The following MAGI3 variants were observed in gnomAD, a reference collection of about 807,000 sequenced individuals.
The protein encoded by MAGI3 is membrane associated guanylate kinase, WW and PDZ domain containing 3, also known as membrane-associated guanylate kinase, WW and PDZ domain-containing protein 3.
A neutral mutation model predicts 121.8 loss-of-function variants in MAGI3; 43 were observed. The ratio of observed to expected loss-of-function variants is 0.35; its 90% confidence interval spans 0.28 to 0.46. The LOEUF (loss-of-function observed/expected upper bound fraction) is 0.46, where lower values mean the gene tolerates loss of function less well. MAGI3 is among the 20% of genes least tolerant of loss of function. The pLI is 1.00. For synonymous variants in MAGI3, 553 were observed against 639.3 expected (o/e 0.86, Z 2.04); for missense variants, 1,547 against 1,797.3 (o/e 0.86, Z 2.52).
At chr1:113,523,184 C>T (rs374392118) in intron 1 of MAGI3, among the ~76,000 whole-genome samples, 53 of 152,282 alleles carry the variant, frequency 3.5e-4, no homozygotes, top group African/African-American at 1.2e-3. Flanking sequence ...TCCCCAGCCA[C>T]GTGGAACTGT....
At chr1:113,473,527 G>A (rs2101545016) in intron 1 of MAGI3, among the ~76,000 whole-genome samples, 1 of 147,776 alleles carries the variant, frequency 6.8e-6, no homozygotes, top group East Asian at 2.0e-4. Context: ...TTGGTTTTCT[G>A]TCCTTGTGAT....
intron 9 of MAGI3, among the ~76,000 whole-genome samples, chr1:113,631,104 G>C (rs1651602721): frequency 6.6e-6 from 1 of 152,020 alleles, no homozygotes; most frequent in South Asian, 2.1e-4. Context: ...TGTGACAGGG[G>C]AGCACTGAGT....
At chr1:113,642,987 G>C (rs1652632843) in intron 10 of MAGI3, among the ~76,000 whole-genome samples, 1 of 152,182 alleles carries the variant, frequency 6.6e-6, no homozygotes, top group African/African-American at 2.4e-5. Flanking sequence ...TTCTGCAGAG[G>C]CAATCATGAT....
intron 2 of MAGI3, among the ~76,000 whole-genome samples, chr1:113,560,436 A>C (rs988811990): frequency 1.3e-5 from 2 of 151,926 alleles, no homozygotes; most frequent in Non-Finnish European, 2.9e-5. Context: ...AAAACAAAAA[A>C]AGAAAAAAGG....
intron 1 of MAGI3, among the ~76,000 whole-genome samples, chr1:113,450,925 G>A (rs1654454929): frequency 6.6e-6 from 1 of 152,188 alleles, no homozygotes; most frequent in Non-Finnish European, 1.5e-5. Flanking sequence ...GTTCAGGACT[G>A]TCATAGCCAC....
At chr1:113,454,698 A>G (rs1396904005) in intron 1 of MAGI3, among the ~76,000 whole-genome samples, 2 of 151,376 alleles carry the variant, frequency 1.3e-5, no homozygotes, top group East Asian at 3.9e-4. Flanking sequence ...CCCTGTCTCT[A>G]TGTGTTCTCA....
intron 1 of MAGI3, among the ~76,000 whole-genome samples, chr1:113,416,376 T>TATTAATAATATATATTAATTATTAATTA (rs1652403396): frequency 1.7e-5 from 2 of 116,758 alleles, no homozygotes; most frequent in Non-Finnish European, 3.4e-5. Flanking sequence ...TATATTAATA[T>TATTAATAATATATATTAATTATTAATTA]ATTAATAATA....
At chr1:113,559,959 C>A (rs1660155001) in intron 2 of MAGI3, among the ~76,000 whole-genome samples, 2 of 152,120 alleles carry the variant, frequency 1.3e-5, no homozygotes, top group African/African-American at 4.8e-5. Flanking sequence ...CAATAGTAGG[C>A]AGATCATTGA....
chr1:113,557,997 AAAAC>A (rs1660070024), intron 2 of MAGI3, among the ~76,000 whole-genome samples: 1 of 152,366 alleles, frequency 6.6e-6, no homozygotes, highest in Admixed American at 6.5e-5. Context: ...TGTTAAAAGA[AAAAC>A]AAACAAATAA....
In MAGI3 at chr1:113,672,731, G is replaced by A. The variant is rs145947128; in HGVS notation, c.3035G>A (p.Arg1012Gln). 5.6e-6 allele frequency: 9 copies of A among 1,610,076 alleles called. No individual in the cohort carries two copies. The highest frequency in any genetic ancestry group is 1.6e-4 in the Middle Eastern group (1 of 6,066). The change falls in exon 18 of 21, where the codon CGG becomes CAG. Residue 1012 changes from arginine (R) to glutamine (Q), a missense_variant. By Grantham distance (43) the Arg-to-Gln change is conservative (BLOSUM62 1). Coordinates refer to ENST00000307546, the MANE Select transcript of MAGI3 (RefSeq NM_001142782.2). ...GCAGTAATTTCAGTTGTAGGCAGTCGGCACAATCAGGTAAACAAACATTTC... is the reference window on the plus strand; with the variant it reads ...GCAGTAATTTCAGTTGTAGGCAGTCAGCACAATCAGGTAAACAAACATTTC... ...DTAVISVVGS[R>Q]HNQNLGCYPV...
intron 9 of MAGI3, among the ~76,000 whole-genome samples, chr1:113,631,821 G>A (rs910915792): frequency 1.3e-5 from 2 of 152,092 alleles, no homozygotes; most frequent in Admixed American, 6.5e-5. Flanking sequence ...GTGTAAACTT[G>A]TCTTTTCTAT....
chr1:113,574,618 A>AT (rs1328100664), intron 2 of MAGI3, among the ~76,000 whole-genome samples: 2 of 151,944 alleles, frequency 1.3e-5, no homozygotes, highest in Non-Finnish European at 2.9e-5. Flanking sequence ...TGCCCTTAAC[A>AT]TTTTTTCCTT....
intron 1 of MAGI3, among the ~76,000 whole-genome samples, chr1:113,538,872 A>G (rs1325295764): frequency 6.6e-6 from 1 of 152,226 alleles, no homozygotes; most frequent in Non-Finnish European, 1.5e-5. Flanking sequence ...ACAGCTGACC[A>G]AAGAAAAGCC....
At chr1:113,650,852 G>A (rs574554933) in intron 13 of MAGI3, among the ~76,000 whole-genome samples, 162 bp from the exon 14 acceptor site, 1 of 152,232 alleles carries the variant, frequency 6.6e-6, no homozygotes, top group African/African-American at 2.4e-5. Flanking sequence ...GTGCCATTTT[G>A]GAGAATGGGC....
chr1:113,514,234 A>G, intron 1 of MAGI3, among the ~76,000 whole-genome samples: 1 of 152,146 alleles, frequency 6.6e-6, no homozygotes, highest in Non-Finnish European at 1.5e-5. Flanking sequence ...TCAGGGATCT[A>G]GAACTAGAAA....
At chr1:113,550,876 C>T (rs1409453564) in intron 2 of MAGI3, among the ~76,000 whole-genome samples, 5 of 150,596 alleles carry the variant, frequency 3.3e-5, no homozygotes, top group Admixed American at 3.3e-4. Context: ...CTTTTTAGCT[C>T]CCAGTGCCTT....
chr1:113,625,272 T>C (rs1025049474), intron 9 of MAGI3, among the ~76,000 whole-genome samples: 4 of 152,194 alleles, frequency 2.6e-5, no homozygotes, highest in Non-Finnish European at 2.9e-5. Flanking sequence ...AGAGATTGCA[T>C]TGAATCTATA....
At chr1:113,448,999 T>C (rs1269999281) in intron 1 of MAGI3, among the ~76,000 whole-genome samples, 1 of 151,404 alleles carries the variant, frequency 6.6e-6, no homozygotes, top group Admixed American at 6.6e-5. Flanking sequence ...ATGCCTGTAA[T>C]CCCAGCTACC....
At chr1:113,590,236 T>G (rs1456564976) in intron 4 of MAGI3, among the ~76,000 whole-genome samples, 7 of 152,120 alleles carry the variant, frequency 4.6e-5, no homozygotes, top group Non-Finnish European at 1.0e-4. Context: ...CTGAATTAAT[T>G]CTATTGTTGT....
Sources: allele counts gnomAD v4.1 joint callset (sites outside exome capture counted in the v4.1 genomes callset), GRCh38; gene constraint gnomAD v4.1.1; transcripts MANE v1.5; gene names NCBI Gene and HGNC (gene_info 2026-07-23, HGNC 2026-07-21).